Variants in RPS6KC1 observed in about 807,000 individuals in gnomAD.
RPS6KC1 encodes inactive ribosomal protein S6 kinase delta-1.
RPS6KC1 carries 54 observed loss-of-function variants against 103.8 expected under a neutral mutation model. That is an observed-to-expected ratio of 0.52 (90% CI 0.42 to 0.65). The LOEUF is 0.65. Among genes scored for constraint, RPS6KC1 ranks in the 30% least tolerant of loss-of-function variants. The pLI, the probability that RPS6KC1 is intolerant of heterozygous loss-of-function variation, is 0.00. For missense variants in RPS6KC1, 1,151 were observed against 1,253.8 expected (o/e 0.92, Z 1.24); for synonymous variants, 439 against 438.7 (o/e 1.00, Z -0.01).
At chr1:213,109,674 A>G (rs1445893168) in intron 4 of RPS6KC1, among the ~76,000 whole-genome samples, 5 of 151,980 alleles carry the variant, frequency 3.3e-5, no homozygotes, top group Non-Finnish European at 7.4e-5. Context: ...GATATACTAC[A>G]TTTTGTTTAT....
At chr1:213,774,359 C>T in the RPS6KC1 span, among the ~76,000 whole-genome samples, 1 of 152,144 alleles carries the variant, frequency 6.6e-6, no homozygotes. Context: ...TTTCAGAATA[C>T]AAACTAAAGG....
chr1:213,259,515 A>T (rs906578843), intron 12 of RPS6KC1, among the ~76,000 whole-genome samples: 1 of 152,158 alleles, frequency 6.6e-6, no homozygotes, highest in African/African-American at 2.4e-5. Flanking sequence ...GTGAGCCAAG[A>T]TTGTGCCACT....
At chr1:213,633,873 G>GAAAA in the RPS6KC1 span, among the ~76,000 whole-genome samples, 1 of 12,966 alleles carries the variant, frequency 7.7e-5, no homozygotes, top group African/African-American at 3.6e-4. Context: ...CAAATGGAAA[G>GAAAA]CAAAAAAAAA....
chr1:213,698,088 G>T, the RPS6KC1 span, among the ~76,000 whole-genome samples: 2 of 151,992 alleles, frequency 1.3e-5, no homozygotes, highest in Non-Finnish European at 2.9e-5. Flanking sequence ...CTTTATGATG[G>T]GTTTATAGAA....
At chr1:213,478,520 C>T in the RPS6KC1 span, among the ~76,000 whole-genome samples, 3 of 152,106 alleles carry the variant, frequency 2.0e-5, no homozygotes, top group East Asian at 5.8e-4. Flanking sequence ...AAAGCCTCAC[C>T]AGTATTTGGT....
chr1:213,512,399 A>G, the RPS6KC1 span, among the ~76,000 whole-genome samples: 1 of 152,170 alleles, frequency 6.6e-6, no homozygotes, highest in African/African-American at 2.4e-5. Context: ...TCTTGCCCCA[A>G]TTTGGGGTCT....
the RPS6KC1 span, among the ~76,000 whole-genome samples, chr1:213,538,414 G>GA: frequency 5.3e-5 from 8 of 152,226 alleles, no homozygotes; most frequent in South Asian, 2.1e-4. Flanking sequence ...AGGAAGACAG[G>GA]AAAAAAGCCT....
chr1:213,731,613 A>G, the RPS6KC1 span: 1 of 152,224 alleles, frequency 6.6e-6, no homozygotes, highest in Non-Finnish European at 1.5e-5. Context: ...TTTTAACCCA[A>G]CACTTCTATG....
At chr1:213,058,103 G>C (rs1445367977) in intron 1 of RPS6KC1, among the ~76,000 whole-genome samples, 1 of 123,230 alleles carries the variant, frequency 8.1e-6, no homozygotes, top group Non-Finnish European at 1.6e-5. Context: ...GGGTCTTGCT[G>C]TGTTGCCAGG....
chr1:213,197,762 A>C (rs1217932271), intron 8 of RPS6KC1, among the ~76,000 whole-genome samples: 1 of 152,112 alleles, frequency 6.6e-6, no homozygotes, highest in Non-Finnish European at 1.5e-5. Flanking sequence ...CTGCTATATA[A>C]GTAGTTACTC....
chr1:213,051,799 C>T (rs186679967), intron 1 of RPS6KC1, among the ~76,000 whole-genome samples: 2 of 152,300 alleles, frequency 1.3e-5, no homozygotes, highest in African/African-American at 4.8e-5. Flanking sequence ...CCCGTTTGGA[C>T]TTTCTCTTCT....
At chr1:213,351,987 C>CT in the RPS6KC1 span, among the ~76,000 whole-genome samples, 2 of 150,272 alleles carry the variant, frequency 1.3e-5, no homozygotes, top group African/African-American at 4.9e-5. Context: ...TTCTTTTTTT[C>CT]TTTTTTTAAT....
rs1431265433 is a variant in RPS6KC1 at position 213,241,715 on chromosome 1, A to G, written c.2239A>G (p.Lys747Glu). 6.2e-7 allele frequency: 1 copy of G among 1,613,960 alleles called. No individual in the cohort carries two copies. Among genetic ancestry groups the G allele is most frequent in the Non-Finnish European group, 8.5e-7 (1 of 1,179,944 alleles). ...STEQCQAHEE[K>E]GIEELSDPSG... ...TGAACAATGCCAAGCACATGAGGAG[A>G]AAGGCATAGAGGAACTGAGTGATCC... The change falls in exon 11 of 15, where the codon AAA becomes GAA. Residue 747 changes from lysine to glutamate, a missense_variant. Transcript: ENST00000366960.
the RPS6KC1 span, among the ~76,000 whole-genome samples, chr1:213,465,837 C>T: frequency 3.3e-5 from 5 of 152,108 alleles, no homozygotes; most frequent in Non-Finnish European, 7.4e-5. Flanking sequence ...CTCCTAGGCC[C>T]CTTCCACTCT....
the RPS6KC1 span, among the ~76,000 whole-genome samples, chr1:213,442,522 G>A: frequency 6.6e-6 from 1 of 152,190 alleles, no homozygotes; most frequent in Non-Finnish European, 1.5e-5. Flanking sequence ...ACGTGTCTTG[G>A]ACAGAGCTAC....
chr1:213,108,948 C>T (rs1261446072), intron 4 of RPS6KC1, among the ~76,000 whole-genome samples: 1 of 151,950 alleles, frequency 6.6e-6, no homozygotes, highest in African/African-American at 2.4e-5. Context: ...CCACACCTGG[C>T]TGAAGGTATT....
the RPS6KC1 span, among the ~76,000 whole-genome samples, chr1:213,790,554 C>T: frequency 6.6e-6 from 1 of 152,054 alleles, no homozygotes; most frequent in Admixed American, 6.5e-5. Flanking sequence ...AGAAGTACTT[C>T]ATAATTCCAT....
At chr1:213,829,827 T>C in the RPS6KC1 span, among the ~76,000 whole-genome samples, 2 of 152,234 alleles carry the variant, frequency 1.3e-5, no homozygotes, top group Non-Finnish European at 2.9e-5. Flanking sequence ...GCTCAGTTTA[T>C]ATACTCAGAA....
At chr1:213,448,643 G>A in the RPS6KC1 span, among the ~76,000 whole-genome samples, 7 of 152,028 alleles carry the variant, frequency 4.6e-5, no homozygotes, top group Admixed American at 2.6e-4. Flanking sequence ...ACACAGTCCC[G>A]CTTCTTCTTG....
Sources: gnomAD v4.1 joint callset for allele counts (sites outside exome capture counted in the v4.1 genomes callset) on GRCh38, gnomAD v4.1.1 for gene constraint, MANE v1.5 for transcripts, NCBI Gene and HGNC (gene_info 2026-07-23, HGNC 2026-07-21) for gene names.